The following LUZP2 variants were observed in gnomAD, a reference collection of about 807,000 sequenced individuals.
The protein encoded by LUZP2 is leucine zipper protein 2.
In LUZP2, 52 loss-of-function variants were observed where a neutral mutation model predicts 51.6. The ratio of observed to expected loss-of-function variants is 1.01; its 90% CI spans 0.81 to 1.27. The LOEUF is 1.27. Among genes scored for constraint, LUZP2 ranks in the 50% most tolerant of loss-of-function variants. The probability of loss-of-function intolerance (pLI) is 0.00; values close to 1 mark genes in which losing one functional copy is unlikely to be tolerated. For missense variants in LUZP2, 436 were observed against 395.4 expected, an observed-to-expected ratio of 1.10 and a Z score of -0.87; for synonymous variants, 154 against 137.3, an observed-to-expected ratio of 1.12 and a Z score of -0.85.
chr11:24,845,217 C>G (rs1851164458), intron 5 of LUZP2, among the ~76,000 whole-genome samples: 1 of 152,224 alleles, frequency 6.6e-6, no homozygotes, highest in South Asian at 2.1e-4. Context: ...CCATCCCTTG[C>G]ATCAGCGTGA....
rs954291433 is a variant in LUZP2 at position 24,604,783 on chromosome 11, G to T, written c.62+107478G>T. Among the ~76,000 whole-genome samples, 14 of 151,760 alleles carry T rather than the reference G, an allele frequency of 9.2e-5. No individual in the cohort carries two copies. In the South Asian group the frequency reaches 1.2e-3, roughly 13 times the overall value. On this transcript the variant is annotated intron_variant, in intron 1 of 11. Transcript: ENST00000336930. ...CAGTCATGAGAATCTTCACTTGTTT[G>T]ACTTTTTTCTTCAAGAATTCCAAGC...
Position 24,517,292 on chromosome 11 carries a change from T to C in LUZP2, c.62+19987T>C, listed in dbSNP as rs575426913. ...TGAGGTCAGGAGATCGAGACCATCC[T>C]GGCTAACACAGTGAAACCCCGTCTC... On this transcript the variant is annotated intron_variant, in intron 1 of 11. Transcript: ENST00000336930. 8.6e-5 allele frequency among the ~76,000 whole-genome samples: 13 copies of C among 151,912 alleles called. No homozygotes were observed. In the South Asian group the frequency reaches 1.3e-3, roughly 15 times the overall value.
intron 4 of LUZP2, among the ~76,000 whole-genome samples, chr11:24,755,843 A>G (rs569932371): frequency 5.9e-5 from 9 of 152,154 alleles, no homozygotes; most frequent in Non-Finnish European, 1.0e-4. Context: ...TTTTACCTCA[A>G]AATATGTTTT....
intron 4 of LUZP2, among the ~76,000 whole-genome samples, chr11:24,750,776 A>G (rs1859549880): frequency 1.3e-5 from 2 of 152,182 alleles, no homozygotes; most frequent in South Asian, 2.1e-4. Flanking sequence ...AATCACATCC[A>G]GTACAATATA....
At chr11:24,524,840 C>T (rs1850747924) in intron 1 of LUZP2, among the ~76,000 whole-genome samples, 1 of 151,638 alleles carries the variant, frequency 6.6e-6, no homozygotes, top group Non-Finnish European at 1.5e-5. Context: ...CTTCCACTTC[C>T]TCTCTGTAAG....
At chr11:24,772,116 A>C (rs527823201) in intron 5 of LUZP2, among the ~76,000 whole-genome samples, 1 of 152,348 alleles carries the variant, frequency 6.6e-6, no homozygotes, top group South Asian at 2.1e-4. Context: ...ATGATGCAGA[A>C]AAACAGTATA....
chr11:24,579,416 T>G (rs1199296046), intron 1 of LUZP2, among the ~76,000 whole-genome samples: 1 of 152,110 alleles, frequency 6.6e-6, no homozygotes, highest in East Asian at 1.9e-4. Context: ...AATACTACTA[T>G]AGCAATTTTT....
intron 10 of LUZP2, among the ~76,000 whole-genome samples, chr11:25,069,568 TATGTGTGTGGGTGTATAAACTA>T (rs1859095083): frequency 6.6e-6 from 1 of 151,798 alleles, no homozygotes; most frequent in Admixed American, 6.6e-5. Flanking sequence ...TAATACACTG[TATGTGTGTGGGTGTATAAACTA>T]ATATATACAT....
At chr11:25,068,965 C>T (rs1007282821) in intron 10 of LUZP2, among the ~76,000 whole-genome samples, 3 of 151,944 alleles carry the variant, frequency 2.0e-5, no homozygotes, top group African/African-American at 7.2e-5. Flanking sequence ...ATGAAGAAAT[C>T]GATAGCCCTA....
At chr11:24,537,548 AAC>A (rs1486090189) in intron 1 of LUZP2, among the ~76,000 whole-genome samples, 2 of 151,938 alleles carry the variant, frequency 1.3e-5, no homozygotes, top group Admixed American at 1.3e-4. Context: ...ATTTAAATAA[AAC>A]ACATATATAT....
At chr11:24,991,498 G>C (rs1377874682) in intron 9 of LUZP2, among the ~76,000 whole-genome samples, 1 of 150,674 alleles carries the variant, frequency 6.6e-6, no homozygotes, top group African/African-American at 2.4e-5. Flanking sequence ...TAGTTCCACA[G>C]TTTGCAATTG....
chr11:24,976,484 T>TC, intron 7 of LUZP2, 107 bp from the exon 8 acceptor site: 1 of 624,102 alleles, frequency 1.6e-6, no homozygotes, highest in Non-Finnish European at 2.6e-6. Context: ...GTTTTTTTTT[T>TC]TTTTCTTTTC....
At chr11:25,002,284 A>G (rs1014612509) in intron 9 of LUZP2, among the ~76,000 whole-genome samples, 1 of 152,120 alleles carries the variant, frequency 6.6e-6, no homozygotes, top group Non-Finnish European at 1.5e-5. Context: ...ATGAACTTCC[A>G]TCGTTATATA....
At chr11:24,825,985 A>C (rs1312677754) in intron 5 of LUZP2, among the ~76,000 whole-genome samples, 1 of 151,552 alleles carries the variant, frequency 6.6e-6, no homozygotes, top group Non-Finnish European at 1.5e-5. Context: ...GGAGATCGAG[A>C]CCACGGTGAA....
chr11:24,811,041 A>G (rs1457517938), intron 5 of LUZP2, among the ~76,000 whole-genome samples: 1 of 152,174 alleles, frequency 6.6e-6, no homozygotes, highest in East Asian at 1.9e-4. Context: ...AGAAAATAAG[A>G]AATAAACTTG....
At chr11:24,992,779 C>G (rs1315754701) in intron 9 of LUZP2, among the ~76,000 whole-genome samples, 2 of 152,044 alleles carry the variant, frequency 1.3e-5, no homozygotes, top group African/African-American at 2.4e-5. Flanking sequence ...GTTGTACTAT[C>G]TATTTGATGA....
At chr11:24,990,407 G>C (rs532822450) in intron 9 of LUZP2, among the ~76,000 whole-genome samples, 2 of 151,904 alleles carry the variant, frequency 1.3e-5, no homozygotes, top group African/African-American at 4.8e-5. Flanking sequence ...AGGTTAATTT[G>C]AGTCAAGGAC....
At chr11:24,876,155 G>C (rs1243314109) in intron 5 of LUZP2, among the ~76,000 whole-genome samples, 1 of 150,592 alleles carries the variant, frequency 6.6e-6, no homozygotes, top group Non-Finnish European at 1.5e-5. Context: ...TGGTGTTTTA[G>C]ACATGAAGCC....
intron 5 of LUZP2, among the ~76,000 whole-genome samples, chr11:24,864,549 G>C (rs913008766): frequency 6.6e-6 from 1 of 152,158 alleles, no homozygotes; most frequent in Non-Finnish European, 1.5e-5. Flanking sequence ...GCTGGGCCTG[G>C]CTTTCTGTGT....
Sources: allele counts gnomAD v4.1 joint callset (sites outside exome capture counted in the v4.1 genomes callset), GRCh38; gene constraint gnomAD v4.1.1; transcripts MANE v1.5; gene names NCBI Gene and HGNC (gene_info 2026-07-23, HGNC 2026-07-21).